ATP9B: variants seen among roughly 807,000 people sequenced by gnomAD.
ATP9B encodes the protein probable phospholipid-transporting ATPase IIB.
ATP9B carries 110 observed loss-of-function variants against 146.1 expected under a neutral mutation model. The ratio of observed to expected loss-of-function variants is 0.75; its 90% CI spans 0.65 to 0.88. The LOEUF (loss-of-function observed/expected upper bound fraction) is 0.88, where lower values mean the gene tolerates loss of function less well. Ranked by LOEUF, ATP9B falls within the 40% of genes least tolerant of loss-of-function variation. The pLI, the probability that ATP9B is intolerant of heterozygous loss-of-function variation, is 0.00. For synonymous variants in ATP9B, 604 were observed against 569.7 expected, an observed-to-expected ratio of 1.06 and a Z score of -0.86; for missense variants, 1,499 against 1,496.4, an observed-to-expected ratio of 1.00 and a Z score of -0.03.
In ATP9B at chr18:79,271,683, G is replaced by A. The variant is rs370583988; in HGVS notation, c.1269-5371G>A. The stretch of plus-strand genomic sequence containing the variant: ...TTCCAAGTCTTTGCTATTGTGAATA[G>A]TGCCGCAATAAACATACGTGTGCAT... On this transcript the variant is annotated intron_variant, in intron 12 of 29. Coordinates refer to ENST00000426216, the MANE Select transcript of ATP9B (RefSeq NM_198531.5). Among the ~76,000 whole-genome samples the A allele has an allele frequency of 2.2e-3, 337 of 152,204 alleles. 1 individual carries two copies. Among genetic ancestry groups the A allele is most frequent in the South Asian group, 5.8e-3 (28 of 4,816 alleles).
At chr18:79,215,381 C>T (rs932145186) in intron 11 of ATP9B, among the ~76,000 whole-genome samples, 2 of 152,098 alleles carry the variant, frequency 1.3e-5, no homozygotes, top group African/African-American at 4.8e-5. Context: ...ATCCAGTGTG[C>T]ATCTCCTGTA....
intron 8 of ATP9B, among the ~76,000 whole-genome samples, chr18:79,188,528 C>T (rs2095330531): frequency 6.6e-6 from 1 of 152,188 alleles, no homozygotes; most frequent in African/African-American, 2.4e-5. Context: ...CCGGTAAGAC[C>T]AGTTTGTCTT....
At position 79,118,390 on chromosome 18, in the gene ATP9B, GTTTTTTTTT is replaced by G. The variant is rs752788043; in HGVS notation, c.558+5056_558+5064del. On this transcript the variant is annotated intron_variant, in intron 4 of 29. Transcript: ENST00000426216. ...AAACACAATCATATTGAACGTTTTT[GTTTTTTTTT>G]TTTTTTTTTTTTTTTTTTTGAGACA... 1.0e-3 allele frequency among the ~76,000 whole-genome samples: 96 copies of G among 93,284 alleles called. 1 individual carries two copies. The highest frequency in any genetic ancestry group is 7.8e-3 in the East Asian group (25 of 3,198). The allele number at this position is 93,284 out of a possible 152,430, so 61.2% of individuals were successfully genotyped here.
At position 79,332,227 on chromosome 18, in the gene ATP9B, A is replaced by G. The variant is rs1408505341; in HGVS notation, c.2028+2123A>G. ...GGCAGATCACGAGGTCAGGAGATTGAGACCCTCCTGGCTAACACGGTGAAA... is the reference window on the plus strand; with the variant it reads ...GGCAGATCACGAGGTCAGGAGATTGGGACCCTCCTGGCTAACACGGTGAAA... On this transcript the variant is annotated intron_variant, in intron 17 of 29. Coordinates refer to ENST00000426216, the MANE Select transcript of ATP9B (RefSeq NM_198531.5). Among the ~76,000 whole-genome samples, 62 of 152,318 alleles carry G rather than the reference A, an allele frequency of 4.1e-4. 1 individual carries two copies. In the East Asian group the frequency reaches 6.2e-3, roughly 15 times the overall value.
intron 4 of ATP9B, among the ~76,000 whole-genome samples, chr18:79,119,888 A>T (rs527487678): frequency 1.1e-4 from 16 of 152,338 alleles, no homozygotes; most frequent in African/African-American, 3.8e-4. Flanking sequence ...AAGCAAGCTT[A>T]GGAGAGCATA....
In ATP9B at chr18:79,375,775, C is replaced by G. The variant is rs2097098778; in HGVS notation, c.3307+349C>G. 4 of 985,438 alleles carry G rather than the reference C, an allele frequency of 4.1e-6. No homozygotes were observed. The South Asian group carries it at 1.4e-4, about 35-fold the overall frequency. 61.0% of individuals were successfully genotyped at this position (985,438 alleles called of 1,614,324 possible). On this transcript the variant is annotated intron_variant, in intron 29 of 29. Transcript: ENST00000426216. ...TCTTCAGAAAATGAGTACACACAAA[C>G]TTAGGAATTCCCCTTCATACAGAGA... is the stretch of plus-strand genomic sequence containing the variant.
intron 10 of ATP9B, among the ~76,000 whole-genome samples, chr18:79,210,603 A>T (rs1306739061): frequency 6.6e-6 from 1 of 152,230 alleles, no homozygotes; most frequent in East Asian, 1.9e-4. Flanking sequence ...GGTCTTCATC[A>T]GTTTTCCTGC....
chr18:79,241,948 G>T (rs1388915958), intron 11 of ATP9B, among the ~76,000 whole-genome samples: 1 of 152,210 alleles, frequency 6.6e-6, no homozygotes, highest in Non-Finnish European at 1.5e-5. Flanking sequence ...CTGCACTTTG[G>T]AGTCCCTCAG....
intron 29 of ATP9B, among the ~76,000 whole-genome samples, chr18:79,376,996 G>A (rs1037513187): frequency 5.9e-5 from 9 of 152,170 alleles, no homozygotes; most frequent in African/African-American, 1.4e-4. Flanking sequence ...CACTGCGCCC[G>A]GCCTGCAATC....
intron 7 of ATP9B, among the ~76,000 whole-genome samples, chr18:79,173,047 G>C (rs1013972474): frequency 6.6e-6 from 1 of 152,144 alleles, no homozygotes; most frequent in Non-Finnish European, 1.5e-5. Flanking sequence ...TGATGGAAGC[G>C]GTGCTTCCTC....
chr18:79,192,973 C>T (rs2095382391), intron 8 of ATP9B, among the ~76,000 whole-genome samples: 1 of 152,174 alleles, frequency 6.6e-6, no homozygotes, highest in Non-Finnish European at 1.5e-5. Flanking sequence ...CTCACACCTG[C>T]TGTTCAAAAG....
At chr18:79,367,732 AC>A (rs2097042841) in intron 26 of ATP9B, among the ~76,000 whole-genome samples, 1 of 152,228 alleles carries the variant, frequency 6.6e-6, no homozygotes, top group Non-Finnish European at 1.5e-5. Context: ...AGAGGCCACC[AC>A]ACCTCCTGCT....
chr18:79,338,495 C>T (rs1030809670), intron 19 of ATP9B, among the ~76,000 whole-genome samples: 1 of 152,236 alleles, frequency 6.6e-6, no homozygotes, highest in Non-Finnish European at 1.5e-5. Context: ...CCGTCTCATC[C>T]AGCTGTGTGG....
At chr18:79,327,927 TCTGGTTAGCGTGCTCTCC>T (rs2096767215) in intron 15 of ATP9B, among the ~76,000 whole-genome samples, 1 of 30,630 alleles carries the variant, frequency 3.3e-5, no homozygotes, top group Non-Finnish European at 6.1e-5. Flanking sequence ...GCGTGCTCTC[TCTGGTTAGCGTGCTCTCC>T]GTGGTTAGCG....
chr18:79,246,270 G>T (rs1467878467), intron 11 of ATP9B, among the ~76,000 whole-genome samples: 3 of 51,716 alleles, frequency 5.8e-5, no homozygotes, highest in Non-Finnish European at 1.0e-4. Context: ...ACTGACTGCG[G>T]AGGGCACCGC....
At chr18:79,327,773 A>T (rs77604952) in intron 15 of ATP9B, among the ~76,000 whole-genome samples, 3 of 16,168 alleles carry the variant, frequency 1.9e-4, no homozygotes, top group East Asian at 2.1e-3. Flanking sequence ...TCTGTGGTTA[A>T]CGTGCTCTCC....
At chr18:79,208,028 A>G (rs376530844) in intron 10 of ATP9B, among the ~76,000 whole-genome samples, 2 of 152,156 alleles carry the variant, frequency 1.3e-5, no homozygotes, top group South Asian at 4.1e-4. Context: ...GGCGGATCAC[A>G]AGGTCAGGAG....
At chr18:79,302,784 C>T (rs1379458168) in intron 13 of ATP9B, among the ~76,000 whole-genome samples, 2 of 152,184 alleles carry the variant, frequency 1.3e-5, no homozygotes, top group Non-Finnish European at 2.9e-5. Flanking sequence ...CCAAGGGACA[C>T]ACATACATGC....
chr18:79,093,144 A>G (rs1331408356), intron 1 of ATP9B, among the ~76,000 whole-genome samples: 2 of 152,128 alleles, frequency 1.3e-5, no homozygotes, highest in Non-Finnish European at 2.9e-5. Context: ...CCACTGTTTT[A>G]TATGCAATCC....
Sources: gnomAD v4.1 joint callset for allele counts (sites outside exome capture counted in the v4.1 genomes callset) on GRCh38, gnomAD v4.1.1 for gene constraint, MANE v1.5 for transcripts, NCBI Gene and HGNC (gene_info 2026-07-23, HGNC 2026-07-21) for gene names.